The following UBTD2 variants were observed in gnomAD, a reference collection of about 807,000 sequenced individuals.
UBTD2 encodes the protein ubiquitin domain-containing protein 2.
UBTD2 carries 9 observed loss-of-function variants against 19.8 expected under a neutral mutation model. That is an observed-to-expected ratio of 0.46 (90% CI 0.27 to 0.79). The LOEUF is 0.79. UBTD2 is among the 30% of genes least tolerant of loss of function. The pLI is 0.14. For missense variants in UBTD2, 250 were observed against 300.4 expected (o/e 0.83, Z 1.24); for synonymous variants, 98 against 103.9 (o/e 0.94, Z 0.35).
intron 1 of UBTD2, among the ~76,000 whole-genome samples, chr5:172,244,889 C>T (rs1021449551): frequency 6.6e-5 from 10 of 151,924 alleles, no homozygotes; most frequent in East Asian, 3.9e-4. Flanking sequence ...CCACCACGCC[C>T]GGCTAATTTT....
intron 2 of UBTD2, among the ~76,000 whole-genome samples, chr5:172,217,006 T>C (rs1561848626): frequency 6.6e-6 from 1 of 151,986 alleles, no homozygotes; most frequent in East Asian, 1.9e-4. Context: ...CAGAATTACA[T>C]ATCCAACTCC....
chr5:172,264,896 GAAAAC>G (rs1166078449), intron 1 of UBTD2, among the ~76,000 whole-genome samples: 1 of 151,954 alleles, frequency 6.6e-6, no homozygotes, highest in African/African-American at 2.4e-5. Context: ...ACAAACAAAT[GAAAAC>G]AAAACAAAAA....
intron 1 of UBTD2, among the ~76,000 whole-genome samples, chr5:172,261,713 C>G (rs1755273588): frequency 6.6e-6 from 1 of 152,106 alleles, no homozygotes; most frequent in African/African-American, 2.4e-5. Flanking sequence ...CAACCTCTGC[C>G]TTCCAGATTC....
chr5:172,247,894 CAT>C (rs1467214914), intron 1 of UBTD2, among the ~76,000 whole-genome samples: 5 of 152,136 alleles, frequency 3.3e-5, no homozygotes, highest in South Asian at 2.1e-4. Context: ...CTTAAAAACA[CAT>C]AGAAATTCTC....
chr5:172,255,422 T>C, intron 1 of UBTD2: 5 of 495,156 alleles, frequency 1.0e-5, no homozygotes, highest in Non-Finnish European at 2.0e-5. Context: ...AGGAACTGGG[T>C]CAAACATGAG....
chr5:172,233,232 T>C (rs1771941447), intron 2 of UBTD2, among the ~76,000 whole-genome samples: 1 of 152,126 alleles, frequency 6.6e-6, no homozygotes, highest in Non-Finnish European at 1.5e-5. Flanking sequence ...AGAATGTAGA[T>C]AAAGGGACGT....
intron 1 of UBTD2, among the ~76,000 whole-genome samples, chr5:172,267,787 A>T (rs1043779022): frequency 1.3e-5 from 2 of 149,398 alleles, no homozygotes; most frequent in East Asian, 1.9e-4. Flanking sequence ...TGTCAGATTT[A>T]AAAAAAAAGA....
intron 1 of UBTD2, among the ~76,000 whole-genome samples, chr5:172,280,278 G>A (rs532448485): frequency 1.8e-4 from 28 of 151,434 alleles, no homozygotes; most frequent in African/African-American, 6.5e-4. Flanking sequence ...AAGCACAGGT[G>A]GGCGGATTAC....
intron 2 of UBTD2, among the ~76,000 whole-genome samples, chr5:172,229,273 G>A (rs986890873): frequency 5.3e-5 from 8 of 151,982 alleles, no homozygotes; most frequent in Non-Finnish European, 1.0e-4. Flanking sequence ...GGCCGAGGCG[G>A]GTGGATCACA....
At chr5:172,252,914 T>G (rs1164892489) in intron 1 of UBTD2, among the ~76,000 whole-genome samples, 2 of 152,210 alleles carry the variant, frequency 1.3e-5, no homozygotes, top group Non-Finnish European at 2.9e-5. Context: ...TGTTAAATTC[T>G]ATCCAGTTAT....
At chr5:172,272,679 C>T (rs1755517833) in intron 1 of UBTD2, among the ~76,000 whole-genome samples, 1 of 152,196 alleles carries the variant, frequency 6.6e-6, no homozygotes, top group African/African-American at 2.4e-5. Flanking sequence ...TTAACATTCT[C>T]ATTAGAGGAC....
At chr5:172,227,310 T>C (rs572362558) in intron 2 of UBTD2, among the ~76,000 whole-genome samples, 199 of 152,346 alleles carry the variant, frequency 1.3e-3, no homozygotes, top group African/African-American at 4.2e-3. Context: ...TAAACTGGAA[T>C]ACATTTACAA....
At chr5:172,269,247 C>T (rs1358130278) in intron 1 of UBTD2, among the ~76,000 whole-genome samples, 1 of 151,520 alleles carries the variant, frequency 6.6e-6, no homozygotes, top group African/African-American at 2.4e-5. Context: ...CCTAGCACTT[C>T]GGGAGGCCAA....
chr5:172,275,444 CCGTT>C (rs1393259895), intron 1 of UBTD2, among the ~76,000 whole-genome samples: 1 of 152,148 alleles, frequency 6.6e-6, no homozygotes, highest in Non-Finnish European at 1.5e-5. Flanking sequence ...CAAGAATGAT[CCGTT>C]CTAAATACAA....
chr5:172,274,967 T>A (rs28731450), intron 1 of UBTD2, among the ~76,000 whole-genome samples: 1 of 151,936 alleles, frequency 6.6e-6, no homozygotes, highest in Admixed American at 6.6e-5. Flanking sequence ...ACCCAGCAGG[T>A]GGAGTTTGCC....
chr5:172,248,835 T>C (rs1581223423), intron 1 of UBTD2, among the ~76,000 whole-genome samples: 1 of 149,624 alleles, frequency 6.7e-6, no homozygotes, highest in Admixed American at 6.7e-5. Context: ...GATACTCAGA[T>C]GGCCGAGGCT....
upstream of UBTD2, chr5:172,283,981 C>T (rs1755789751): frequency 1.3e-5 from 2 of 149,120 alleles, no homozygotes; most frequent in South Asian, 4.1e-4. This position sits in a 1 kb window ranked among gnomAD's most constrained non-coding sequence, Gnocchi z 4.3. Context: ...CCCGCCTCGC[C>T]CCCTCACAGC....
intron 1 of UBTD2, among the ~76,000 whole-genome samples, chr5:172,277,117 C>T (rs1050521941): frequency 7.5e-6 from 1 of 133,284 alleles, no homozygotes; most frequent in Non-Finnish European, 1.6e-5. Context: ...AAAAAGAAGA[C>T]GAAGTACATT....
At chr5:172,212,944 G>C (rs565399589) in intron 2 of UBTD2, among the ~76,000 whole-genome samples, 1 of 150,798 alleles carries the variant, frequency 6.6e-6, no homozygotes, top group African/African-American at 2.4e-5. Context: ...AGGATTACAG[G>C]CATGAGCCAC....
Sources: allele counts gnomAD v4.1 joint callset (sites outside exome capture counted in the v4.1 genomes callset), GRCh38; gene constraint gnomAD v4.1.1; non-coding constraint Gnocchi (gnomAD v3.1); transcripts MANE v1.5; gene names NCBI Gene and HGNC (gene_info 2026-07-23, HGNC 2026-07-21).